The following SLIT2 variants were observed in gnomAD, a reference collection of about 807,000 sequenced individuals.
SLIT2 encodes the protein slit guidance ligand 2, also known as slit homolog 2 protein.
In SLIT2, 41 loss-of-function variants were observed where a neutral mutation model predicts 185.7. The observed-to-expected ratio is 0.22, with a 90% CI of 0.17 to 0.29. SLIT2 has a LOEUF of 0.29. Ranked by LOEUF, SLIT2 falls within the 10% of genes least tolerant of loss-of-function variation. The probability of loss-of-function intolerance (pLI) is 1.00; values close to 1 mark genes in which losing one functional copy is unlikely to be tolerated. For missense variants in SLIT2, 1,571 were observed against 1,909.0 expected (o/e 0.82, Z 3.30); for synonymous variants, 693 against 680.2 (o/e 1.02, Z -0.29).
At chr4:20,319,114 A>G (rs1253769846) in intron 4 of SLIT2, among the ~76,000 whole-genome samples, 1 of 152,096 alleles carries the variant, frequency 6.6e-6, no homozygotes, top group African/African-American at 2.4e-5. Context: ...TTTAAAGGGG[A>G]AAAGACTGTT....
At chr4:20,293,082 G>T (rs1366087926) in intron 4 of SLIT2, among the ~76,000 whole-genome samples, 5 of 152,222 alleles carry the variant, frequency 3.3e-5, no homozygotes, top group Admixed American at 3.3e-4. Flanking sequence ...AGTCTGTATG[G>T]AAAGGATGAC....
At chr4:20,410,040 T>C (rs1265760497) in intron 4 of SLIT2, among the ~76,000 whole-genome samples, 1 of 152,190 alleles carries the variant, frequency 6.6e-6, no homozygotes, top group Non-Finnish European at 1.5e-5. Context: ...TGTTGATAGT[T>C]TATTTTGCTG....
At chr4:20,343,517 CTTGAGA>C (rs1473136361) in intron 4 of SLIT2, among the ~76,000 whole-genome samples, 1 of 148,014 alleles carries the variant, frequency 6.8e-6, no homozygotes, top group African/African-American at 2.5e-5. Flanking sequence ...TTTTTTTTTT[CTTGAGA>C]TTAAGTCTCA....
At chr4:20,335,979 G>T (rs1341576672) in intron 4 of SLIT2, among the ~76,000 whole-genome samples, 1 of 152,074 alleles carries the variant, frequency 6.6e-6, no homozygotes, top group Non-Finnish European at 1.5e-5. Flanking sequence ...ACTGAGTTTA[G>T]CCGACCAACA....
At chr4:20,594,019 T>C (rs1191359644) in intron 30 of SLIT2, among the ~76,000 whole-genome samples, 1 of 148,816 alleles carries the variant, frequency 6.7e-6, no homozygotes, top group Non-Finnish European at 1.5e-5. Flanking sequence ...CATATGTATG[T>C]GTGTATATAT....
chr4:20,570,712 AATATAT>A (rs531995886), intron 29 of SLIT2, among the ~76,000 whole-genome samples: 2 of 112,314 alleles, frequency 1.8e-5, no homozygotes, highest in African/African-American at 3.4e-5. Flanking sequence ...CAGAACCAGG[AATATAT>A]ATATATATAT....
chr4:20,320,964 G>C (rs1719027816), intron 4 of SLIT2, among the ~76,000 whole-genome samples: 1 of 152,094 alleles, frequency 6.6e-6, no homozygotes, highest in Non-Finnish European at 1.5e-5. Context: ...AGGAATTCAA[G>C]ACCAGCCTGG....
At chr4:20,300,667 CATG>C (rs146995765) in intron 4 of SLIT2, among the ~76,000 whole-genome samples, 1,908 of 152,128 alleles carry the variant, frequency 0.013, 33 homozygotes, top group African/African-American at 0.044. Flanking sequence ...TATTCACTAA[CATG>C]ATAATGGACA....
chr4:20,547,268 AC>A (rs1333533073), intron 22 of SLIT2, among the ~76,000 whole-genome samples: 1 of 152,114 alleles, frequency 6.6e-6, no homozygotes, highest in Non-Finnish European at 1.5e-5. Context: ...TGTTAAATAA[AC>A]CATTAAATTG....
intron 29 of SLIT2, among the ~76,000 whole-genome samples, chr4:20,586,901 G>C (rs1346939540): frequency 2.0e-5 from 3 of 152,172 alleles, no homozygotes; most frequent in Non-Finnish European, 2.9e-5. Context: ...ATAGTAAACA[G>C]ACCCAGGTGA....
In SLIT2 at chr4:20,563,813, C is replaced by T. The variant is rs1219542356; in HGVS notation, c.2726-3449C>T. ...TCTCTGGAAGTCTAAGAAAGAGTGT[C>T]AGTACTTGCCGTAATTTTGTATTTG... On this transcript the variant is annotated intron_variant, in intron 26 of 36. Transcript: ENST00000504154. Among the ~76,000 whole-genome samples, 12 of 151,770 alleles carry T rather than the reference C, an allele frequency of 7.9e-5. 1 individual carries two copies. Among genetic ancestry groups the T allele is most frequent in the African/African-American group, 2.9e-4 (12 of 41,300 alleles).
chr4:20,596,301 G>T, intron 31 of SLIT2, 114 bp from the exon 32 acceptor site: 1 of 1,020,792 alleles, frequency 9.8e-7, no homozygotes, highest in East Asian at 2.4e-5. Context: ...TTGAAAACTG[G>T]AAAAACAAGG....
intron 4 of SLIT2, among the ~76,000 whole-genome samples, chr4:20,440,646 A>C (rs1166979949): frequency 6.6e-6 from 1 of 152,222 alleles, no homozygotes; most frequent in Admixed American, 6.5e-5. Flanking sequence ...TTTAAACAAA[A>C]TTACCTCTGA....
intron 4 of SLIT2, among the ~76,000 whole-genome samples, chr4:20,354,155 A>G (rs527506229): frequency 2.8e-4 from 42 of 152,040 alleles, no homozygotes; most frequent in African/African-American, 9.4e-4. Context: ...TCAATTTGTC[A>G]TTTTTGTATA....
At chr4:20,472,493 GAT>G (rs1384363791) in intron 5 of SLIT2, among the ~76,000 whole-genome samples, 490 of 10,004 alleles carry the variant, frequency 0.049, 41 homozygotes, top group East Asian at 0.2. Context: ...TCTATATATA[GAT>G]ATATATCTAT....
intron 4 of SLIT2, among the ~76,000 whole-genome samples, chr4:20,327,835 C>T (rs1314485456): frequency 6.6e-6 from 1 of 152,050 alleles, no homozygotes; most frequent in Admixed American, 6.6e-5. Flanking sequence ...TCTGTCAAAG[C>T]AGAACCTGTG....
chr4:20,462,708 C>G (rs1713864973), intron 4 of SLIT2, among the ~76,000 whole-genome samples: 1 of 152,168 alleles, frequency 6.6e-6, no homozygotes, highest in African/African-American at 2.4e-5. Context: ...CAACCCCAAT[C>G]AAGCTATTTC....
intron 6 of SLIT2, among the ~76,000 whole-genome samples, chr4:20,481,888 A>G (rs1716742273): frequency 6.6e-6 from 1 of 152,052 alleles, no homozygotes; most frequent in Non-Finnish European, 1.5e-5. Context: ...ATTGATTGGG[A>G]TAAAATGTGA....
Position 20,542,400 on chromosome 4 carries a change from T to C in SLIT2, c.2144-94T>C. The C allele has an allele frequency of 5.1e-6, 6 of 1,168,654 alleles. No homozygotes were observed. In the Middle Eastern group the frequency reaches 1.2e-3, roughly 234 times the overall value. 72.4% of individuals were successfully genotyped at this position (1,168,654 alleles called of 1,614,324 possible). A position where few individuals can be genotyped will look rare whatever the true frequency, so the allele number is the denominator to read the frequency against. On this transcript the variant is annotated intron_variant, in intron 20 of 36. Transcript: ENST00000504154. ...TAAATGATTATGTAGCTTAAGACTCTTGTGTTTGTTAAGTTAATTTAAAGG... is the reference window on the plus strand; with the variant it reads ...TAAATGATTATGTAGCTTAAGACTCCTGTGTTTGTTAAGTTAATTTAAAGG...
Sources: gnomAD v4.1 joint callset for allele counts (sites outside exome capture counted in the v4.1 genomes callset) on GRCh38, gnomAD v4.1.1 for gene constraint, MANE v1.5 for transcripts, NCBI Gene and HGNC (gene_info 2026-07-23, HGNC 2026-07-21) for gene names.